DDAH1: variants seen among roughly 807,000 people sequenced by gnomAD.
DDAH1 encodes dimethylarginine dimethylaminohydrolase 1.
DDAH1 carries 19 observed loss-of-function variants against 28.8 expected under a neutral mutation model. The ratio of observed to expected loss-of-function variants is 0.66; its 90% CI spans 0.46 to 0.97. The LOEUF is 0.97. Among genes scored for constraint, DDAH1 ranks in the 50% least tolerant of loss-of-function variants. DDAH1 has a pLI of 0.00. For synonymous variants in DDAH1, 153 were observed against 154.4 expected (o/e 0.99, Z 0.07); for missense variants, 326 against 375.9 (o/e 0.87, Z 1.10).
chr1:85,531,292 T>A (rs1263206223), intron 1 of DDAH1, among the ~76,000 whole-genome samples: 1 of 151,928 alleles, frequency 6.6e-6, no homozygotes, highest in Non-Finnish European at 1.5e-5. Flanking sequence ...TAGAGGCCCT[T>A]GACAGAGGTC....
chr1:85,324,834 T>A lies in DDAH1; in HGVS notation c.647A>T (p.Asp216Val), dbSNP rs774150320. ...DHRYDKLTVP[D>V]DIAANCIYLN... is the part of the protein sequence containing the mutation. ...ATATATACAGTTTGCTGCTATGTCA[T>A]CAGGCACAGTGAGTTTGTCGTAGCG... is the stretch of plus-strand genomic sequence containing the variant. Residue 216 changes from aspartate to valine, a missense_variant, in exon 5 of 6, where the codon GAT (aspartate) becomes GTT (valine). By Grantham distance (152) the Asp-to-Val change is radical. Transcript: ENST00000284031. 3 of 1,614,028 alleles carry A rather than the reference T, an allele frequency of 1.9e-6. No individual in the cohort carries two copies. In the East Asian group the frequency reaches 6.7e-5, roughly 36 times the overall value.
intron 4 of DDAH1, among the ~76,000 whole-genome samples, chr1:85,342,090 A>G (rs1648525952): frequency 6.6e-6 from 1 of 152,060 alleles, no homozygotes; most frequent in African/African-American, 2.4e-5. Flanking sequence ...AGGCTAATTC[A>G]ACTTTGTTTT....
At chr1:85,478,391 A>G (rs146250422) in intron 2 of DDAH1, among the ~76,000 whole-genome samples, 3 of 152,348 alleles carry the variant, frequency 2.0e-5, no homozygotes, top group Non-Finnish European at 4.4e-5. Context: ...TTATACAGGA[A>G]AGAAGTTTAA....
chr1:85,529,799 G>A (rs1362462018), intron 1 of DDAH1, among the ~76,000 whole-genome samples: 1 of 148,412 alleles, frequency 6.7e-6, no homozygotes, highest in African/African-American at 2.5e-5. Context: ...ATAACAATGT[G>A]TTGAGGGAAG....
intron 1 of DDAH1, among the ~76,000 whole-genome samples, chr1:85,552,110 C>A (rs1217773575): frequency 6.6e-6 from 1 of 152,164 alleles, no homozygotes; most frequent in Non-Finnish European, 1.5e-5. Context: ...TGAAAGAAGG[C>A]CCAAATCTAG....
chr1:85,376,154 G>A (rs10489511), intron 1 of DDAH1, among the ~76,000 whole-genome samples: 1 of 152,122 alleles, frequency 6.6e-6, no homozygotes, highest in African/African-American at 2.4e-5. Context: ...ATGTACAATG[G>A]ATTAAATGCT....
chr1:85,499,184 A>C (rs1656707254), intron 1 of DDAH1, among the ~76,000 whole-genome samples: 1 of 152,198 alleles, frequency 6.6e-6, no homozygotes, highest in Non-Finnish European at 1.5e-5. Context: ...AGTATAAACA[A>C]GTTAGAAGTA....
chr1:85,476,498 C>T (rs72724659), intron 2 of DDAH1, among the ~76,000 whole-genome samples: 2 of 151,884 alleles, frequency 1.3e-5, no homozygotes, highest in Admixed American at 6.6e-5. Context: ...CAGCTCACCC[C>T]CTCCACACAG....
At chr1:85,433,717 TCAA>T (rs1236187443) in intron 1 of DDAH1, among the ~76,000 whole-genome samples, 6 of 152,234 alleles carry the variant, frequency 3.9e-5, no homozygotes, top group African/African-American at 1.4e-4. Context: ...AACAATAATG[TCAA>T]CAACAAGCTA....
chr1:85,474,956 C>G (rs986474739), intron 2 of DDAH1, among the ~76,000 whole-genome samples: 1 of 152,130 alleles, frequency 6.6e-6, no homozygotes, highest in African/African-American at 2.4e-5. Context: ...ACTTGCTTGA[C>G]CTTTCTGAGC....
At position 85,497,366 on chromosome 1, in the gene DDAH1, C is replaced by T. The variant is rs879070907; in HGVS notation, c.-122-1085G>A. On this transcript the variant is annotated intron_variant, in intron 1 of 6. Transcript: ENST00000426972. ...TGGTATTTCCAAAGGCGAGGGACTA[C>T]GGTACTTAGCAACACTTTGCAGATT... Among the ~76,000 whole-genome samples the T allele has an allele frequency of 1.7e-3, 255 of 152,298 alleles. 2 individuals carry two copies. Among genetic ancestry groups the T allele is most frequent in the Admixed American group, 3.3e-4 (5 of 15,298 alleles).
intron 5 of DDAH1, among the ~76,000 whole-genome samples, chr1:85,324,304 A>C (rs564177302): frequency 6.7e-6 from 1 of 149,686 alleles, no homozygotes; most frequent in Non-Finnish European, 1.5e-5. Flanking sequence ...AATAATAAAT[A>C]AAAAAATAAA....
upstream of DDAH1, chr1:85,465,177 G>C (rs1036780379): frequency 1.1e-3 from 1,296 of 1,142,062 alleles, 2 homozygotes; most frequent in Non-Finnish European, 1.3e-3. Context: ...AAGGAGCCCA[G>C]CTCGCGCCCG....
chr1:85,399,763 T>C (rs1651981679), intron 1 of DDAH1: 1 of 152,240 alleles, frequency 6.6e-6, no homozygotes, highest in Non-Finnish European at 1.5e-5. Flanking sequence ...CTTTCTATTT[T>C]TCTGCCTCCC....
At chr1:85,490,085 A>G (rs1323965939) in intron 2 of DDAH1, among the ~76,000 whole-genome samples, 1 of 152,202 alleles carries the variant, frequency 6.6e-6, no homozygotes, top group Non-Finnish European at 1.5e-5. Context: ...AAATGCAAAT[A>G]GAAGATGAAG....
At chr1:85,365,383 G>A (rs1650021955) in intron 1 of DDAH1, among the ~76,000 whole-genome samples, 1 of 152,150 alleles carries the variant, frequency 6.6e-6, no homozygotes, top group Non-Finnish European at 1.5e-5. Context: ...AGACATTCTG[G>A]AGAAATGGAA....
chr1:85,393,865 T>TA (rs1651678562), intron 1 of DDAH1, among the ~76,000 whole-genome samples: 1 of 152,176 alleles, frequency 6.6e-6, no homozygotes, highest in Non-Finnish European at 1.5e-5. Flanking sequence ...GCAGAACAGG[T>TA]AATCAGGAGA....
At chr1:85,340,290 C>T (rs1648394958) in intron 4 of DDAH1, among the ~76,000 whole-genome samples, 1 of 152,142 alleles carries the variant, frequency 6.6e-6, no homozygotes, top group South Asian at 2.1e-4. Context: ...TCAGTGAAAT[C>T]CAGCAACATT....
In DDAH1 at chr1:85,347,319, A is replaced by ATGTT. The variant is rs1218989633; in HGVS notation, c.597+3092_597+3095dup. 2.0e-5 allele frequency among the ~76,000 whole-genome samples: 3 copies of ATGTT among 152,334 alleles called. No individual in the cohort carries two copies. In the East Asian group the frequency reaches 5.8e-4, roughly 29 times the overall value. ...CTGCTATAAAGACACATGCACACGTATGTTTACTGTGGCACTATTCACAAT... is the reference window on the plus strand; with the variant it reads ...CTGCTATAAAGACACATGCACACGTATGTTTGTTTACTGTGGCACTATTCACAAT... On this transcript the variant is annotated intron_variant, in intron 4 of 5. Coordinates refer to ENST00000284031, the MANE Select transcript of DDAH1 (RefSeq NM_012137.4).
Sources: gnomAD v4.1 joint callset for allele counts (sites outside exome capture counted in the v4.1 genomes callset) on GRCh38, gnomAD v4.1.1 for gene constraint, MANE v1.5 for transcripts, NCBI Gene and HGNC (gene_info 2026-07-23, HGNC 2026-07-21) for gene names.